The following NCEH1 variants were observed in gnomAD, a reference collection of about 807,000 sequenced individuals.
NCEH1 encodes the protein 2-acetyl MAGE hydrolase.
NCEH1 carries 9 observed loss-of-function variants against 25.4 expected under a neutral mutation model. The observed-to-expected ratio is 0.35, with a 90% confidence interval of 0.21 to 0.62. The LOEUF is 0.62. Ranked by LOEUF, NCEH1 falls within the 20% of genes least tolerant of loss-of-function variation. The pLI is 0.72. For synonymous variants in NCEH1, 200 were observed against 199.8 expected (o/e 1.00, Z -0.01); for missense variants, 412 against 501.1 (o/e 0.82, Z 1.70).
At position 172,633,525 on chromosome 3, in the gene NCEH1, C is replaced by G; in HGVS notation, c.1177G>C (p.Gly393Arg). ...FTSWPTNFSV[G>R]IRTRNSYIKW... is the part of the protein sequence containing the mutation. ...ATGTAACTATTCCTAGTCCGGATTCCCACTGAGAAGTTGGTGGGCCAGCTA... is the reference window on the plus strand; with the variant it reads ...ATGTAACTATTCCTAGTCCGGATTCGCACTGAGAAGTTGGTGGGCCAGCTA... The change falls in exon 5 of 5, where the codon GGA (glycine) becomes CGA (arginine). Residue 393 changes from glycine (G) to arginine (R), a missense_variant. By Grantham distance (125) the Gly-to-Arg change is moderately radical. This residue lies in a region of NCEH1 where 210 missense variants were observed against 258.2 expected (regional missense o/e 0.81). Transcript: ENST00000475381. 6.2e-7 allele frequency: 1 copy of G among 1,614,026 alleles called. No individual in the cohort carries two copies. Among genetic ancestry groups the G allele is most frequent in the Non-Finnish European group, 8.5e-7 (1 of 1,179,980 alleles).
chr3:172,636,690 C>A (rs931679046), intron 3 of NCEH1, among the ~76,000 whole-genome samples: 7 of 152,212 alleles, frequency 4.6e-5, no homozygotes, highest in African/African-American at 1.7e-4. Flanking sequence ...TCCAGACGGC[C>A]TAGAGCAGGC....
intron 1 of NCEH1, among the ~76,000 whole-genome samples, chr3:172,675,226 G>T (rs1312872042): frequency 6.6e-6 from 1 of 151,968 alleles, no homozygotes; most frequent in South Asian, 2.1e-4. Context: ...TTGCTTGAAC[G>T]TGGGAGGTGG....
chr3:172,674,905 CAT>C (rs1334881135), intron 1 of NCEH1, among the ~76,000 whole-genome samples: 5 of 152,078 alleles, frequency 3.3e-5, no homozygotes, highest in African/African-American at 9.7e-5. Context: ...AAAAAGCAAA[CAT>C]AGAAGTTTTA....
At chr3:172,698,843 G>A (rs528877225) in intron 1 of NCEH1, among the ~76,000 whole-genome samples, 4 of 152,358 alleles carry the variant, frequency 2.6e-5, no homozygotes, top group Admixed American at 6.5e-5. Context: ...TCAGAAGCAC[G>A]TGGAAGCACA....
intron 1 of NCEH1, among the ~76,000 whole-genome samples, chr3:172,655,992 G>C (rs982696555): frequency 6.6e-6 from 1 of 152,152 alleles, no homozygotes; most frequent in African/African-American, 2.4e-5. Flanking sequence ...GAGATATTAA[G>C]GGGGAAGAGA....
At chr3:172,645,823 GAACA>G (rs1352671317) in intron 2 of NCEH1, 131 bp from the exon 3 acceptor site, 19 of 521,538 alleles carry the variant, frequency 3.6e-5, no homozygotes, top group Admixed American at 2.6e-4. Flanking sequence ...AAGCAAATGT[GAACA>G]AATAATAGAG....
chr3:172,645,225 C>T (rs1254274764), intron 3 of NCEH1, among the ~76,000 whole-genome samples: 2 of 152,034 alleles, frequency 1.3e-5, no homozygotes, highest in African/African-American at 2.4e-5. Context: ...ATTTCTGTTC[C>T]CAAGGCACAA....
Position 172,665,922 on chromosome 3 carries a change from C to T in NCEH1, c.139-17808G>A, listed in dbSNP as rs571157222. On this transcript the variant is annotated intron_variant, in intron 1 of 4. Transcript: ENST00000475381. ...CCCTTGGCTAGGAAAGGGAATTCCCCGACCCCTTGTGCTTCCCGGGTGAGG... is the reference window on the plus strand; with the variant it reads ...CCCTTGGCTAGGAAAGGGAATTCCCTGACCCCTTGTGCTTCCCGGGTGAGG... Among the ~76,000 whole-genome samples the T allele has an allele frequency of 1.7e-3, 256 of 152,298 alleles. 1 individual carries two copies. The highest frequency in any genetic ancestry group is 5.9e-3 in the African/African-American group (244 of 41,566).
chr3:172,682,690 A>T (rs1039271326), intron 1 of NCEH1, among the ~76,000 whole-genome samples: 2 of 152,202 alleles, frequency 1.3e-5, no homozygotes, highest in African/African-American at 4.8e-5. Flanking sequence ...TTATAATCCC[A>T]TGTTTAGGTG....
At chr3:172,679,395 G>A (rs772331120) in intron 1 of NCEH1, among the ~76,000 whole-genome samples, 29 of 152,180 alleles carry the variant, frequency 1.9e-4, no homozygotes, top group Non-Finnish European at 3.4e-4. Context: ...CTAATTAGAC[G>A]GGGAGGAAAG....
intron 1 of NCEH1, among the ~76,000 whole-genome samples, chr3:172,682,431 G>T (rs1038867578): frequency 1.3e-5 from 2 of 152,106 alleles, no homozygotes; most frequent in Non-Finnish European, 2.9e-5. Context: ...TAAGTCCTGG[G>T]TCTGGGGGGG....
chr3:172,705,364 A>G lies in NCEH1; in HGVS notation c.138+5483T>C, dbSNP rs118072650. Reference sequence around the variant, plus strand: ...TGTGTTCTGAGTTAAGGAGTCCCCAAGTGCCCAACCCAGTGATTTGTTCTT... The same window carrying G: ...TGTGTTCTGAGTTAAGGAGTCCCCAGGTGCCCAACCCAGTGATTTGTTCTT... On this transcript the variant is annotated intron_variant, in intron 1 of 4. Coordinates refer to ENST00000475381, the MANE Select transcript of NCEH1 (RefSeq NM_020792.6). Among the ~76,000 whole-genome samples, 7 of 152,324 alleles carry G rather than the reference A, an allele frequency of 4.6e-5. No individual in the cohort carries two copies. The East Asian group carries it at 1.4e-3, about 29-fold the overall frequency.
At chr3:172,657,825 T>C (rs1188060590) in intron 1 of NCEH1, among the ~76,000 whole-genome samples, 1 of 152,204 alleles carries the variant, frequency 6.6e-6, no homozygotes. Flanking sequence ...ACATTTTTCA[T>C]TTTTTTAACC....
At chr3:172,701,174 C>A (rs1029602381) in intron 1 of NCEH1, among the ~76,000 whole-genome samples, 2 of 152,186 alleles carry the variant, frequency 1.3e-5, no homozygotes, top group African/African-American at 4.8e-5. Context: ...TGTTTATGAT[C>A]AGCCATCCTT....
At chr3:172,696,050 G>A (rs975384521) in intron 1 of NCEH1, among the ~76,000 whole-genome samples, 12 of 152,122 alleles carry the variant, frequency 7.9e-5, no homozygotes, top group Non-Finnish European at 1.6e-4. Context: ...CTAAATCTAC[G>A]GACCCTAAAA....
chr3:172,642,994 A>G (rs1166197558), intron 3 of NCEH1, among the ~76,000 whole-genome samples: 2 of 152,074 alleles, frequency 1.3e-5, no homozygotes, highest in East Asian at 3.9e-4. Context: ...GCTGGAGTGC[A>G]ATGGCTCAAT....
Position 172,647,881 on chromosome 3 carries a change from C to A in NCEH1, c.367+5G>T. The A allele has an allele frequency of 6.2e-7, 1 of 1,614,126 alleles. No homozygotes were observed. Among genetic ancestry groups the A allele is most frequent in the Non-Finnish European group, 8.5e-7 (1 of 1,180,014 alleles). The stretch of plus-strand genomic sequence containing the variant: ...ACAAACCATCTGAAGGTGACCAGGA[C>A]GCACTTGCACTTGCCAAGGCCCAGC... On this transcript the variant is annotated splice_donor_5th_base_variant and intron_variant, in intron 2 of 4. Transcript: ENST00000475381.
intron 1 of NCEH1, among the ~76,000 whole-genome samples, chr3:172,665,870 T>C (rs1718184902): frequency 6.6e-6 from 1 of 152,180 alleles, no homozygotes. Flanking sequence ...AATGTCCCGA[T>C]TTTCCAGGTA....
chr3:172,684,649 G>C (rs747594317), intron 1 of NCEH1, among the ~76,000 whole-genome samples: 3 of 152,130 alleles, frequency 2.0e-5, no homozygotes, highest in Non-Finnish European at 4.4e-5. Context: ...AGAAATCCTA[G>C]TAGTTGGAAT....
Sources: allele counts gnomAD v4.1 joint callset (sites outside exome capture counted in the v4.1 genomes callset), GRCh38; gene constraint gnomAD v4.1.1; regional missense constraint gnomAD v4.1.1; transcripts MANE v1.5; gene names NCBI Gene and HGNC (gene_info 2026-07-23, HGNC 2026-07-21).